Variants in MDN1 observed in about 807,000 individuals in gnomAD.
The protein encoded by MDN1 is midasin.
A neutral mutation model predicts 669.2 loss-of-function variants in MDN1; 266 were observed. The observed-to-expected ratio is 0.40, with a 90% confidence interval of 0.36 to 0.44. The LOEUF is 0.44. MDN1 is among the 20% of genes least tolerant of loss of function. The probability of loss-of-function intolerance (pLI) is 1.00; values close to 1 mark genes in which losing one functional copy is unlikely to be tolerated. For missense variants in MDN1, 5,940 were observed against 6,754.0 expected (o/e 0.88, Z 4.22); for synonymous variants, 2,385 against 2,457.1 (o/e 0.97, Z 0.87).
chr6:89,676,334 T>C (rs1394600766), intron 76 of MDN1, 127 bp from the exon 77 acceptor site: 7 of 752,932 alleles, frequency 9.3e-6, no homozygotes, highest in Non-Finnish European at 1.6e-5. Flanking sequence ...TTTATTTCTA[T>C]GAGGAATCAT....
In MDN1 at chr6:89,732,780, A is replaced by G; in HGVS notation, c.4724-5T>C. 6.2e-7 allele frequency: 1 copy of G among 1,612,140 alleles called. No homozygotes were observed. The highest frequency in any genetic ancestry group is 8.5e-7 in the Non-Finnish European group (1 of 1,179,204). On this transcript the variant is annotated splice_polypyrimidine_tract_variant and splice_region_variant and intron_variant, in intron 33 of 101. Coordinates refer to ENST00000369393, the MANE Select transcript of MDN1 (RefSeq NM_014611.3). ...TCACTTCAGGTATGTCAGACCCTAA[A>G]CACAAGAAACAAAAAAAGCATTTGC... is the stretch of plus-strand genomic sequence containing the variant.
Position 89,730,760 on chromosome 6 carries a change from G to T in MDN1, c.5106C>A (p.Asn1702Lys), listed in dbSNP as rs1280455262. The T allele has an allele frequency of 8.7e-6, 14 of 1,613,792 alleles. No homozygotes were observed. The highest frequency in any genetic ancestry group is 1.1e-5 in the Non-Finnish European group (13 of 1,179,922). The change falls in exon 35 of 102, where the codon AAC (asparagine) becomes AAA (lysine). Residue 1702 changes from asparagine (N) to lysine (K), a missense_variant. Asn to Lys is a moderately conservative substitution (Grantham distance 94). Transcript: ENST00000369393. ...MKAKEFTGID[N>K]LWGIHPFFIP... ...TAAAAAATGGATGAATTCCCCAAAG[G>T]TTATCTATTCCAGTGAATTCTTTGG...
intron 70 of MDN1, 81 bp downstream of exon 70, chr6:89,685,746 G>T (rs1005226189): frequency 2.7e-6 from 4 of 1,466,384 alleles, no homozygotes; most frequent in South Asian, 2.6e-5. Context: ...GTGCAACAAG[G>T]CACCTGTCTC....
chr6:89,702,016 C>T lies in MDN1; in HGVS notation c.8194G>A (p.Asp2732Asn), dbSNP rs199617361. Residue 2732 changes from aspartate to asparagine, a missense_variant, in exon 54 of 102, where the codon GAC (aspartate) becomes AAC (asparagine). Transcript: ENST00000369393. ...RWRDRFWTVA[D>N]TVKVDAPGLA... ...CCTGGGGCATCTACTTTTACTGTGT[C>T]GGCCACAGTCCAGAACCGGTCCCGC... 1.1e-5 allele frequency: 17 copies of T among 1,613,776 alleles called. No homozygotes were observed. The highest frequency in any genetic ancestry group is 6.7e-5 in the East Asian group (3 of 44,882).
intron 38 of MDN1, 129 bp from the exon 39 acceptor site, chr6:89,723,748 G>A (rs1472246860): frequency 1.2e-5 from 6 of 484,740 alleles, no homozygotes; most frequent in Non-Finnish European, 2.1e-5. Flanking sequence ...ATAATTTTCA[G>A]TTATAGAAAT....
chr6:89,788,218 T>C (rs1041684659), intron 7 of MDN1, among the ~76,000 whole-genome samples: 1 of 152,136 alleles, frequency 6.6e-6, no homozygotes, highest in Non-Finnish European at 1.5e-5. Flanking sequence ...ACCAAGGCTT[T>C]AGAGCCTAGA....
chr6:89,758,340 G>T lies in MDN1; in HGVS notation c.2617C>A (p.Arg873=), dbSNP rs566766469. ...GCAAATAAACGGAAGTCAGGATGCCGAACCAGTGGCTCTGTTAAGAGAAAA... is the reference window on the plus strand; with the variant it reads ...GCAAATAAACGGAAGTCAGGATGCCTAACCAGTGGCTCTGTTAAGAGAAAA... ...LDRGDTEPLV[R]HPDFRLFACM... Residue 873 remains arginine (R), a synonymous_variant, in exon 19 of 102, where the codon CGG becomes AGG. Transcript: ENST00000369393. 6.2e-7 allele frequency: 1 copy of T among 1,607,824 alleles called. No homozygotes were observed. Among genetic ancestry groups the T allele is most frequent in the South Asian group, 1.1e-5 (1 of 89,702 alleles).
intron 64 of MDN1, 152 bp downstream of exon 64, chr6:89,690,521 G>A (rs1812311951): frequency 1.0e-6 from 1 of 969,096 alleles, no homozygotes; most frequent in Non-Finnish European, 1.5e-6. Context: ...TTGCGCCACT[G>A]CACTCCAGCC....
At chr6:89,678,572 T>G (rs753748407) in intron 75 of MDN1, 27 bp downstream of exon 75, 1 of 1,608,692 alleles carries the variant, frequency 6.2e-7, no homozygotes, top group Non-Finnish European at 8.5e-7. Flanking sequence ...TGACTACATT[T>G]CATTGGGTTT....
intron 62 of MDN1, 93 bp from the exon 63 acceptor site, chr6:89,693,241 C>G (rs1812497048): frequency 1.2e-6 from 1 of 813,654 alleles, no homozygotes; most frequent in African/African-American, 1.7e-5. Context: ...AAGGAAGAAA[C>G]ATCAGCTGCT....
intron 1 of MDN1, among the ~76,000 whole-genome samples, chr6:89,809,997 A>T (rs1290295860): frequency 9.9e-5 from 5 of 50,730 alleles, no homozygotes; most frequent in African/African-American, 1.6e-4. Context: ...TTTCACTAAA[A>T]AAAAAAAAAA....
intron 35 of MDN1, 58 bp downstream of exon 35, chr6:89,730,668 A>C: frequency 7.1e-7 from 1 of 1,406,250 alleles, no homozygotes; most frequent in South Asian, 1.3e-5. Flanking sequence ...TCACAATAAA[A>C]GCCAAGTATC....
At chr6:89,733,283 G>A (rs868059660) in intron 33 of MDN1, among the ~76,000 whole-genome samples, 2 of 150,300 alleles carry the variant, frequency 1.3e-5, no homozygotes, top group Admixed American at 6.6e-5. Flanking sequence ...CAAATTAGGG[G>A]GTTCACAAAT....
At chr6:89,667,974 A>G in intron 84 of MDN1, 40 bp downstream of exon 84, 1 of 1,599,192 alleles carries the variant, frequency 6.3e-7, no homozygotes, top group South Asian at 1.1e-5. Flanking sequence ...AAAGAAAGAG[A>G]GTGATCTTCT....
intron 50 of MDN1, among the ~76,000 whole-genome samples, chr6:89,709,446 C>A (rs1213600451): frequency 6.6e-6 from 1 of 152,166 alleles, no homozygotes; most frequent in East Asian, 1.9e-4. Flanking sequence ...ACAAGCGATG[C>A]CTGCTGAAAA....
chr6:89,726,732 C>G (rs1815264227), intron 37 of MDN1, among the ~76,000 whole-genome samples: 1 of 152,032 alleles, frequency 6.6e-6, no homozygotes, highest in African/African-American at 2.4e-5. Flanking sequence ...ATGAGTAGTT[C>G]AGAGCTCAGG....
Position 89,708,490 on chromosome 6 carries a change from A to C in MDN1, c.7898+6T>G, listed in dbSNP as rs1190146749. The stretch of plus-strand genomic sequence containing the variant: ...AACAGTGCCCAGAGCAGCAGGTTTC[A>C]CTTACTTGTTTGCAGCTGATTCTAA... On this transcript the variant is annotated splice_donor_region_variant and intron_variant, in intron 51 of 101. Transcript: ENST00000369393. 1 of 1,613,880 alleles carries C rather than the reference A, an allele frequency of 6.2e-7. No individual in the cohort carries two copies.
rs1041842147 is a variant in MDN1, at chr6:89,714,807, G to A, written c.6861-56C>T. 9.6e-6 allele frequency: 14 copies of A among 1,450,842 alleles called. No individual in the cohort carries two copies. In the Middle Eastern group the frequency reaches 8.9e-4, roughly 92 times the overall value. 89.9% of individuals were successfully genotyped at this position (1,450,842 alleles called of 1,614,324 possible). A position where few individuals can be genotyped will look rare whatever the true frequency, so the allele number is the denominator to read the frequency against. Reference sequence around the variant, plus strand: ...GATTTTAAATCCCAGTGCAACCAAAGGTGTAGCTCAGCATCAGTCAGTGAG... The same window carrying A: ...GATTTTAAATCCCAGTGCAACCAAAAGTGTAGCTCAGCATCAGTCAGTGAG... On this transcript the variant is annotated intron_variant, in intron 45 of 101. Coordinates refer to ENST00000369393, the MANE Select transcript of MDN1 (RefSeq NM_014611.3).
Position 89,648,238 on chromosome 6 carries a change from A to G in MDN1, c.16280+18T>C. ...GGTTGTGAAAAGTTTTCATAAAGGAATTACAAAGCAACCTTACCTACACAC... is the reference window on the plus strand; with the variant it reads ...GGTTGTGAAAAGTTTTCATAAAGGAGTTACAAAGCAACCTTACCTACACAC... On this transcript the variant is annotated intron_variant, in intron 98 of 101. Coordinates refer to ENST00000369393, the MANE Select transcript of MDN1 (RefSeq NM_014611.3). The G allele has an allele frequency of 6.2e-7, 1 of 1,613,374 alleles. No homozygotes were observed. Among genetic ancestry groups the G allele is most frequent in the East Asian group, 2.2e-5 (1 of 44,878 alleles).
Sources: allele counts gnomAD v4.1 joint callset (sites outside exome capture counted in the v4.1 genomes callset), GRCh38; gene constraint gnomAD v4.1.1; transcripts MANE v1.5; gene names NCBI Gene and HGNC (gene_info 2026-07-23, HGNC 2026-07-21).